Variants in SORCS2 observed in about 807,000 individuals in gnomAD.
SORCS2 encodes VPS10 domain-containing receptor SorCS2.
A neutral mutation model predicts 141.6 loss-of-function variants in SORCS2; 100 were observed. The ratio of observed to expected loss-of-function variants is 0.71; its 90% CI spans 0.60 to 0.83. SORCS2 has a LOEUF of 0.83. Ranked by LOEUF, SORCS2 falls within the 40% of genes least tolerant of loss-of-function variation. SORCS2 has a pLI of 0.00. For missense variants in SORCS2, 1,646 were observed against 1,560.2 expected (o/e 1.05, Z -0.93); for synonymous variants, 789 against 676.9 (o/e 1.17, Z -2.57).
At chr4:7,442,884 C>T (rs1207723926) in intron 2 of SORCS2, among the ~76,000 whole-genome samples, 5 of 152,032 alleles carry the variant, frequency 3.3e-5, no homozygotes, top group Admixed American at 1.3e-4. Context: ...CGTCCAAAAT[C>T]AGAGTGTTGG....
intron 3 of SORCS2, among the ~76,000 whole-genome samples, chr4:7,566,001 ATGG>A (rs1714969350): frequency 4.4e-4 from 1 of 2,282 alleles, no homozygotes. Flanking sequence ...AATGGTGATG[ATGG>A]TGATAATGAT....
intron 2 of SORCS2, among the ~76,000 whole-genome samples, chr4:7,487,286 T>A (rs780035868): frequency 6.6e-6 from 1 of 152,240 alleles, no homozygotes; most frequent in African/African-American, 2.4e-5. Flanking sequence ...ACAAGCTGTC[T>A]GTTACATTCC....
Position 7,728,373 on chromosome 4 carries a change from C to G in SORCS2, c.2893C>G (p.Gln965Glu), listed in dbSNP as rs771432009. 6.2e-7 allele frequency: 1 copy of G among 1,613,702 alleles called. No homozygotes were observed. The highest frequency in any genetic ancestry group is 1.3e-5 in the African/African-American group (1 of 75,046). ...AGATCAATTTCAAGTCATGCCTCTGCAGTTTTCCAAGGAGCTGGATGCCTA... is the reference window on the plus strand; with the variant it reads ...AGATCAATTTCAAGTCATGCCTCTGGAGTTTTCCAAGGAGCTGGATGCCTA... ...VLDQFQVMPL[Q>E]FSKELDAYNP... The change falls in exon 22 of 27, where the codon CAG (glutamine) becomes GAG (glutamate). Residue 965 changes from glutamine (Q) to glutamate (E), a missense_variant. Coordinates refer to ENST00000507866, the MANE Select transcript of SORCS2 (RefSeq NM_020777.3).
At chr4:7,276,937 T>C (rs1242854378) in intron 1 of SORCS2, among the ~76,000 whole-genome samples, 3 of 152,168 alleles carry the variant, frequency 2.0e-5, no homozygotes, top group African/African-American at 7.2e-5. Flanking sequence ...AGGGAAGCCA[T>C]GTGGCTCTGA....
intron 1 of SORCS2, among the ~76,000 whole-genome samples, chr4:7,197,127 C>G (rs899978043): frequency 2.0e-5 from 3 of 152,202 alleles, no homozygotes; most frequent in African/African-American, 7.2e-5. Context: ...CTCCTGGGCT[C>G]GCAGATGCCA....
intron 1 of SORCS2, among the ~76,000 whole-genome samples, chr4:7,244,024 C>T (rs1712899095): frequency 6.6e-6 from 1 of 152,258 alleles, no homozygotes; most frequent in South Asian, 2.1e-4. Context: ...GTCTCCTCTG[C>T]TCAGCGGAGT....
chr4:7,368,534 A>G (rs1477414119), intron 1 of SORCS2, among the ~76,000 whole-genome samples: 1 of 152,150 alleles, frequency 6.6e-6, no homozygotes, highest in African/African-American at 2.4e-5. Context: ...GCTGGGTGCC[A>G]GGAGCTGCAG....
At chr4:7,491,896 G>A (rs1216022412) in intron 2 of SORCS2, among the ~76,000 whole-genome samples, 1 of 152,210 alleles carries the variant, frequency 6.6e-6, no homozygotes, top group African/African-American at 2.4e-5. Context: ...TGGGAAGGCA[G>A]ACAGCAGGGG....
At chr4:7,490,711 G>A (rs1016078639) in intron 2 of SORCS2, among the ~76,000 whole-genome samples, 2 of 152,178 alleles carry the variant, frequency 1.3e-5, no homozygotes, top group Non-Finnish European at 2.9e-5. Flanking sequence ...GGGGCAGGTT[G>A]TTTGCAGGTG....
intron 10 of SORCS2, among the ~76,000 whole-genome samples, chr4:7,683,268 GGGCTC>G (rs1723650570): frequency 2.4e-5 from 2 of 83,242 alleles, no homozygotes; most frequent in Admixed American, 1.1e-4. Context: ...GACCTTGGCT[GGGCTC>G]AGCTGAGCGG....
At chr4:7,482,381 A>G (rs1419252600) in intron 2 of SORCS2, among the ~76,000 whole-genome samples, 2 of 39,912 alleles carry the variant, frequency 5.0e-5, no homozygotes, top group Non-Finnish European at 9.1e-5. Flanking sequence ...CTGTATCCCC[A>G]CCGCGGACAC....
chr4:7,585,122 C>T (rs973923404), intron 3 of SORCS2, among the ~76,000 whole-genome samples: 5 of 152,172 alleles, frequency 3.3e-5, no homozygotes, highest in African/African-American at 1.2e-4. Flanking sequence ...AGATCTGAGA[C>T]AAGCATATAA....
intron 1 of SORCS2, among the ~76,000 whole-genome samples, chr4:7,249,038 G>C (rs1032962424): frequency 6.6e-6 from 1 of 152,220 alleles, no homozygotes; most frequent in Non-Finnish European, 1.5e-5. Flanking sequence ...AGTCAGGATA[G>C]GTAGATAGTG....
At position 7,676,058 on chromosome 4, in the gene SORCS2, G is replaced by T; in HGVS notation, c.1170G>T (p.Gln390His). The T allele has an allele frequency of 6.3e-7, 1 of 1,583,052 alleles. No homozygotes were observed. Among genetic ancestry groups the T allele is most frequent in the South Asian group, 1.2e-5 (1 of 86,496 alleles). Residue 390 changes from glutamine (Q) to histidine (H), a missense_variant, in exon 9 of 27, where the codon CAG (glutamine) becomes CAT (histidine). Physicochemically the swap from Gln to His is conservative, Grantham distance 24. Transcript: ENST00000507866. ...LPKYALPKDLQIISTDESQVF... is the reference protein window; with the variant it reads ...LPKYALPKDLHIISTDESQVF... ...CCTGCACATCCCCACAGGATCTGCA[G>T]ATCATCAGCACGGACGAGAGTCAGG...
chr4:7,702,948 T>C (rs559410658), intron 12 of SORCS2, among the ~76,000 whole-genome samples: 5 of 152,326 alleles, frequency 3.3e-5, no homozygotes, highest in African/African-American at 1.2e-4. Flanking sequence ...TATTTTTCTG[T>C]TTCTTTCTCA....
intron 1 of SORCS2, among the ~76,000 whole-genome samples, chr4:7,302,806 T>TGC (rs1285022511): frequency 2.6e-4 from 32 of 124,480 alleles, no homozygotes; most frequent in Non-Finnish European, 5.2e-4. Flanking sequence ...CGTGTGTGTG[T>TGC]GTTTGTAGGA....
At position 7,689,523 on chromosome 4, in the gene SORCS2, A is replaced by T. The variant is rs759123568; in HGVS notation, c.1526A>T (p.Asp509Val). ...CTGCACCTGCACCTGCGCTGGGCAGACAACCCCTACGTATCAGGCACCGTG... is the reference window on the plus strand; with the variant it reads ...CTGCACCTGCACCTGCGCTGGGCAGTCAACCCCTACGTATCAGGCACCGTG... ...CHLHLHLRWADNPYVSGTVHT... is the reference protein window; with the variant it reads ...CHLHLHLRWAVNPYVSGTVHT... The change falls in exon 11 of 27, where the codon GAC becomes GTC. Residue 509 changes from aspartate (D) to valine (V), a missense_variant. By Grantham distance (152) the Asp-to-Val change is radical (BLOSUM62 -3). Transcript: ENST00000507866. 6.2e-7 allele frequency: 1 copy of T among 1,606,798 alleles called. No homozygotes were observed. The highest frequency in any genetic ancestry group is 1.3e-5 in the African/African-American group (1 of 74,928).
intron 3 of SORCS2, among the ~76,000 whole-genome samples, chr4:7,552,810 A>G (rs1330224576): frequency 6.6e-6 from 1 of 152,074 alleles, no homozygotes; most frequent in Non-Finnish European, 1.5e-5. Context: ...TACAGTCTAT[A>G]AGGGAGGAAT....
Position 7,193,521 on chromosome 4 carries a change from G to A in SORCS2, c.480+395G>A, listed in dbSNP as rs985044930. ...CCAGACTCCACCAGCTGAGCGTCGCGTTCTGGGATTTTGGGCTCCGGGATC... is the reference window on the plus strand; with the variant it reads ...CCAGACTCCACCAGCTGAGCGTCGCATTCTGGGATTTTGGGCTCCGGGATC... On this transcript the variant is annotated intron_variant, in intron 1 of 26. Coordinates refer to ENST00000507866, the MANE Select transcript of SORCS2 (RefSeq NM_020777.3). This position sits in a 1 kb window ranked among gnomAD's most constrained non-coding sequence, Gnocchi z 4.8. Among the ~76,000 whole-genome samples the A allele has an allele frequency of 1.3e-5, 2 of 152,164 alleles. No homozygotes were observed. The highest frequency in any genetic ancestry group is 2.9e-5 in the Non-Finnish European group (2 of 68,030).
Sources: gnomAD v4.1 joint callset for allele counts (sites outside exome capture counted in the v4.1 genomes callset) on GRCh38, gnomAD v4.1.1 for gene constraint, Gnocchi (gnomAD v3.1) non-coding constraint, MANE v1.5 for transcripts, NCBI Gene and HGNC (gene_info 2026-07-23, HGNC 2026-07-21) for gene names.